Variants in DNAAF9 observed in about 807,000 individuals in gnomAD.
DNAAF9 encodes the protein shulin.
Under a neutral mutation model 167.0 loss-of-function variants are expected in DNAAF9, and 90 were observed. The ratio of observed to expected loss-of-function variants is 0.54; its 90% CI spans 0.45 to 0.64. DNAAF9 has a LOEUF of 0.64. Among genes scored for constraint, DNAAF9 ranks in the 30% least tolerant of loss-of-function variants. The pLI, the probability that DNAAF9 is intolerant of heterozygous loss-of-function variation, is 0.00. For missense variants in DNAAF9, 1,315 were observed against 1,442.2 expected, an observed-to-expected ratio of 0.91 and a Z score of 1.43; for synonymous variants, 491 against 508.8, an observed-to-expected ratio of 0.96 and a Z score of 0.47.
At chr20:3,366,850 G>T (rs1414407814) in intron 6 of DNAAF9, among the ~76,000 whole-genome samples, 1 of 151,800 alleles carries the variant, frequency 6.6e-6, no homozygotes, top group Non-Finnish European at 1.5e-5. Context: ...GCTTGAGTTT[G>T]GGAGGTCAAG....
At chr20:3,304,800 A>G (rs2069260309) in intron 20 of DNAAF9, among the ~76,000 whole-genome samples, 1 of 152,244 alleles carries the variant, frequency 6.6e-6, no homozygotes, top group African/African-American at 2.4e-5. Flanking sequence ...AATGGGGAGA[A>G]GCAAAATTCA....
chr20:3,340,005 C>G (rs6084340), intron 10 of DNAAF9, among the ~76,000 whole-genome samples: 1 of 152,200 alleles, frequency 6.6e-6, no homozygotes, highest in Non-Finnish European at 1.5e-5. Context: ...CTTTCACAAT[C>G]TAAGTCTCAT....
intron 21 of DNAAF9, 105 bp from the exon 22 acceptor site, chr20:3,298,280 C>T (rs933395620): frequency 1.1e-6 from 1 of 906,296 alleles, no homozygotes; most frequent in African/African-American, 1.7e-5. Context: ...CAATTATTGT[C>T]ACATTACGTA....
chr20:3,383,305 G>A (rs2083688342), intron 1 of DNAAF9, among the ~76,000 whole-genome samples: 1 of 144,150 alleles, frequency 6.9e-6, no homozygotes, highest in Non-Finnish European at 1.5e-5. Flanking sequence ...ATGGAGTCTG[G>A]CTCTGTGGCC....
intron 31 of DNAAF9, among the ~76,000 whole-genome samples, chr20:3,262,746 A>C (rs2068414415): frequency 6.6e-6 from 1 of 152,156 alleles, no homozygotes; most frequent in Non-Finnish European, 1.5e-5. Context: ...CAGTGGCTGT[A>C]GCCACTGGAA....
In DNAAF9 at chr20:3,381,501, G is replaced by C; in HGVS notation, c.164-3C>G. On this transcript the variant is annotated splice_region_variant and splice_polypyrimidine_tract_variant and intron_variant, in intron 2 of 36. Transcript: ENST00000252032. ...TTCATTGTACCTGCTATCGATTCCT[G>C]CAAGGCAAAGGAGGCTCTGATCAGC... 8 of 1,613,086 alleles carry C rather than the reference G, an allele frequency of 5.0e-6. No homozygotes were observed. The highest frequency in any genetic ancestry group is 6.8e-6 in the Non-Finnish European group (8 of 1,179,736).
rs913538373 is a variant in DNAAF9, at chr20:3,298,068, A to G, written c.1890T>C (p.Leu630=). 1 of 1,613,304 alleles carries G rather than the reference A, an allele frequency of 6.2e-7. No individual in the cohort carries two copies. Among genetic ancestry groups the G allele is most frequent in the Non-Finnish European group, 8.5e-7 (1 of 1,179,308 alleles). Residue 630 remains leucine (L), a synonymous_variant, in exon 22 of 37, where the codon CTT becomes CTC. Coordinates refer to ENST00000252032, the MANE Select transcript of DNAAF9 (RefSeq NM_001009984.3). ...CTTGGTATATCTTCGATTTGGGGAA[A>G]AGGGCAATCATCAGAAAATTGCTTG... ...HGSSNFLMIA[L]FPKSKIYQAF... is the part of the protein sequence containing the mutation.
At chr20:3,381,968 T>C (rs2083660155) in intron 2 of DNAAF9, among the ~76,000 whole-genome samples, 1 of 152,178 alleles carries the variant, frequency 6.6e-6, no homozygotes, top group Non-Finnish European at 1.5e-5. Context: ...AGCACTGTAC[T>C]AGATGCTGGG....
intron 20 of DNAAF9, among the ~76,000 whole-genome samples, chr20:3,312,871 T>A (rs2069439015): frequency 6.6e-6 from 1 of 152,114 alleles, no homozygotes; most frequent in East Asian, 1.9e-4. Context: ...CAGAAAACCA[T>A]CTCCTAATTC....
intron 30 of DNAAF9, among the ~76,000 whole-genome samples, chr20:3,267,672 T>C (rs2068513245): frequency 1.3e-5 from 2 of 152,016 alleles, no homozygotes; most frequent in Admixed American, 1.3e-4. Context: ...CTGCCACTAC[T>C]AAAAATAGAA....
At chr20:3,323,326 G>A (rs2069652963) in intron 14 of DNAAF9, among the ~76,000 whole-genome samples, 1 of 129,562 alleles carries the variant, frequency 7.7e-6, no homozygotes, top group African/African-American at 3.0e-5. Context: ...CTGTCACCCA[G>A]GCTGGAGTGC....
chr20:3,310,341 G>GAAAGAAAGAAAGAAAGAA (rs2069386542), intron 20 of DNAAF9, among the ~76,000 whole-genome samples: 1 of 138,134 alleles, frequency 7.2e-6, no homozygotes, highest in Admixed American at 7.3e-5. Flanking sequence ...GAAAAAGAAA[G>GAAAGAAAGAAAGAAAGAA]AAAGAAAGAA....
chr20:3,368,881 TC>T, intron 6 of DNAAF9, among the ~76,000 whole-genome samples: 1 of 196 alleles, frequency 5.1e-3, no homozygotes, highest in Non-Finnish European at 0.013. Context: ...ACGCCTGTAA[TC>T]CCAGCTTTCA....
At chr20:3,283,131 G>A (rs1047572906) in intron 27 of DNAAF9, among the ~76,000 whole-genome samples, 9 of 151,166 alleles carry the variant, frequency 6.0e-5, no homozygotes, top group Non-Finnish European at 1.2e-4. Flanking sequence ...TCACCTTGTA[G>A]AGGAGAACTC....
chr20:3,406,564 A>C (rs2084057839), intron 1 of DNAAF9, among the ~76,000 whole-genome samples: 1 of 152,004 alleles, frequency 6.6e-6, no homozygotes, highest in Non-Finnish European at 1.5e-5. Context: ...CATCACAAAC[A>C]ATGCCCAGAC....
chr20:3,387,967 A>G (rs1424969395), intron 1 of DNAAF9, among the ~76,000 whole-genome samples: 1 of 150,632 alleles, frequency 6.6e-6, no homozygotes, highest in Non-Finnish European at 1.5e-5. Context: ...TCATGAGGCT[A>G]AGGTAAGAGG....
intron 7 of DNAAF9, among the ~76,000 whole-genome samples, chr20:3,351,312 C>T (rs575935017): frequency 2.0e-5 from 3 of 152,214 alleles, no homozygotes; most frequent in East Asian, 3.9e-4. Flanking sequence ...GGAGAAACCC[C>T]GTCTCTACTA....
In DNAAF9 at chr20:3,376,802, C is replaced by T. The variant is rs191087598; in HGVS notation, c.284-500G>A. ...AATCAGGGCTGGGCACGGTGGCTCA[C>T]GCCTGTAATCCCAGCACTTTGGGAG... On this transcript the variant is annotated intron_variant, in intron 3 of 36. Coordinates refer to ENST00000252032, the MANE Select transcript of DNAAF9 (RefSeq NM_001009984.3). Among the ~76,000 whole-genome samples the T allele has an allele frequency of 5.3e-3, 813 of 152,318 alleles. 6 individuals carry two copies. The highest frequency in any genetic ancestry group is 0.018 in the African/African-American group (757 of 41,566).
chr20:3,300,886 T>C (rs1461443129), intron 21 of DNAAF9, among the ~76,000 whole-genome samples: 1 of 151,336 alleles, frequency 6.6e-6, no homozygotes, highest in Admixed American at 6.6e-5. Context: ...TGTTCATTGG[T>C]AGGGCATAGA....
Sources: allele counts gnomAD v4.1 joint callset (sites outside exome capture counted in the v4.1 genomes callset), GRCh38; gene constraint gnomAD v4.1.1; transcripts MANE v1.5; gene names NCBI Gene and HGNC (gene_info 2026-07-23, HGNC 2026-07-21).